Variants in CEP112 observed in about 807,000 individuals in gnomAD.
CEP112 encodes centrosomal protein 112.
In CEP112, 127 loss-of-function variants were observed where a neutral mutation model predicts 153.0. That is an observed-to-expected ratio of 0.83 (90% CI 0.72 to 0.96). CEP112 has a LOEUF of 0.96. CEP112 is among the 40% of genes least tolerant of loss of function. The probability of loss-of-function intolerance (pLI) is 0.00; values close to 1 mark genes in which losing one functional copy is unlikely to be tolerated. For synonymous variants in CEP112, 358 were observed against 374.4 expected (o/e 0.96, Z 0.51); for missense variants, 1,089 against 1,101.2 (o/e 0.99, Z 0.16).
chr17:66,051,589 G>C (rs528885278), intron 12 of CEP112, among the ~76,000 whole-genome samples: 3 of 152,076 alleles, frequency 2.0e-5, no homozygotes, highest in Admixed American at 2.0e-4. Flanking sequence ...AAACAACTGT[G>C]CATACCACTT....
chr17:65,982,158 C>T (rs1393279584), intron 17 of CEP112, among the ~76,000 whole-genome samples: 1 of 152,010 alleles, frequency 6.6e-6, no homozygotes, highest in Non-Finnish European at 1.5e-5. Context: ...ATAATCACAT[C>T]AGAGGAAATG....
chr17:65,699,774 C>T (rs909210418), intron 23 of CEP112, among the ~76,000 whole-genome samples: 2 of 152,084 alleles, frequency 1.3e-5, no homozygotes, highest in African/African-American at 2.4e-5. Flanking sequence ...ACTACAGAGG[C>T]GCACCACTGC....
chr17:66,028,348 G>A lies in CEP112; in HGVS notation c.1561C>T (p.Gln521Ter). 1 of 1,599,624 alleles carries A rather than the reference G, an allele frequency of 6.3e-7. No homozygotes were observed. The highest frequency in any genetic ancestry group is 8.5e-7 in the Non-Finnish European group (1 of 1,171,942). The change falls in exon 15 of 27, where the codon CAG becomes TAG. Residue 521 changes from glutamine (Q) to a stop codon, truncating the protein, a stop_gained. Transcript: ENST00000535342. LOFTEE classifies it high-confidence loss of function. Reference sequence around the variant, plus strand: ...TGCTTTCTTTGAAGTTCTGATTCCTGTAACTGCTGTTTTAATTGACAGACA... The same window carrying A: ...TGCTTTCTTTGAAGTTCTGATTCCTATAACTGCTGTTTTAATTGACAGACA... The part of the protein sequence containing the change: ...QNVCQLKQQL[Q>*]ESELQRKQQL...
At chr17:66,151,453 C>T (rs2071207210) in intron 4 of CEP112, among the ~76,000 whole-genome samples, 1 of 152,156 alleles carries the variant, frequency 6.6e-6, no homozygotes, top group South Asian at 2.1e-4. Context: ...TATGCATGCC[C>T]ATGTGGTATG....
chr17:65,999,686 C>T (rs371068068), intron 17 of CEP112, among the ~76,000 whole-genome samples: 54 of 151,968 alleles, frequency 3.6e-4, no homozygotes, highest in East Asian at 3.5e-3. Context: ...GCCTAGTACC[C>T]GTTAGTTATT....
At chr17:65,775,794 C>T (rs1043654093) in intron 21 of CEP112, among the ~76,000 whole-genome samples, 9 of 152,136 alleles carry the variant, frequency 5.9e-5, no homozygotes, top group Admixed American at 2.0e-4. Flanking sequence ...TGAGCCATTG[C>T]GCCCAGCAAA....
intron 21 of CEP112, among the ~76,000 whole-genome samples, chr17:65,824,202 C>A (rs1236339297): frequency 1.3e-5 from 2 of 152,144 alleles, no homozygotes; most frequent in South Asian, 4.1e-4. Context: ...TTTGTACTCC[C>A]ATACAATGGA....
intron 18 of CEP112, among the ~76,000 whole-genome samples, chr17:65,943,179 G>C (rs2061553708): frequency 6.6e-6 from 1 of 152,136 alleles, no homozygotes; most frequent in South Asian, 2.1e-4. Flanking sequence ...CCTGGCTAAA[G>C]AACAAATTGG....
chr17:65,824,218 A>G (rs139122563), intron 21 of CEP112, among the ~76,000 whole-genome samples: 1 of 152,344 alleles, frequency 6.6e-6, no homozygotes, highest in East Asian at 1.9e-4. Context: ...ATGGAATACT[A>G]CTAAGCAATA....
intron 20 of CEP112, among the ~76,000 whole-genome samples, chr17:65,900,782 A>G (rs1198649852): frequency 6.6e-6 from 1 of 152,194 alleles, no homozygotes; most frequent in Non-Finnish European, 1.5e-5. Flanking sequence ...ACACCAGCAT[A>G]TATTTCATAA....
At chr17:66,095,461 A>G (rs967619390) in intron 8 of CEP112, among the ~76,000 whole-genome samples, 1 of 152,154 alleles carries the variant, frequency 6.6e-6, no homozygotes, top group Non-Finnish European at 1.5e-5. Context: ...TGTGGATTCT[A>G]AAAAAGGTGA....
intron 24 of CEP112, among the ~76,000 whole-genome samples, chr17:65,666,810 G>A (rs1460125030): frequency 1.3e-5 from 2 of 151,954 alleles, no homozygotes; most frequent in Admixed American, 6.5e-5. Flanking sequence ...GCATTCATGA[G>A]GCAGTATTCT....
intron 11 of CEP112, among the ~76,000 whole-genome samples, chr17:66,059,844 C>T (rs1050963620): frequency 6.6e-6 from 1 of 152,094 alleles, no homozygotes; most frequent in African/African-American, 2.4e-5. Flanking sequence ...GGCACATGCG[C>T]TTGTATGTTC....
intron 6 of CEP112, among the ~76,000 whole-genome samples, chr17:66,121,896 CTT>C (rs1316972060): frequency 2.3e-4 from 35 of 151,240 alleles, no homozygotes; most frequent in South Asian, 6.3e-4. Context: ...GTTTTTTGCT[CTT>C]GTTTTTGTTT....
chr17:66,114,038 C>T (rs1001001401), intron 6 of CEP112, among the ~76,000 whole-genome samples: 3 of 151,968 alleles, frequency 2.0e-5, no homozygotes, highest in Non-Finnish European at 4.4e-5. Context: ...CAATAAATGT[C>T]CAAAATGGAA....
intron 20 of CEP112, among the ~76,000 whole-genome samples, chr17:65,887,851 T>A (rs1487963275): frequency 6.6e-6 from 1 of 152,204 alleles, no homozygotes; most frequent in Non-Finnish European, 1.5e-5. Context: ...GGGTTTACCT[T>A]CCTCATGGAG....
chr17:65,728,147 A>G (rs2050288397), intron 23 of CEP112, among the ~76,000 whole-genome samples: 1 of 152,230 alleles, frequency 6.6e-6, no homozygotes, highest in South Asian at 2.1e-4. Flanking sequence ...TGCAAAGCCT[A>G]ACATTTTTAC....
Position 65,852,012 on chromosome 17 carries a change from T to C in CEP112, c.2186A>G (p.Gln729Arg). 6.2e-7 allele frequency: 1 copy of C among 1,610,362 alleles called. No individual in the cohort carries two copies. Among genetic ancestry groups the C allele is most frequent in the Non-Finnish European group, 8.5e-7 (1 of 1,179,062 alleles). ...CAATTCTTCTCTCAACTTGTGAACC[T>C]GGGCCTCCATGTCGGCAATAACCTT... Reference protein sequence around the residue: ...DAQVIADMEAQVHKLREELIN... With the variant: ...DAQVIADMEARVHKLREELIN... Residue 729 changes from glutamine to arginine, a missense_variant, in exon 21 of 27, where the codon CAG (glutamine) becomes CGG (arginine). Gln to Arg is a conservative substitution (Grantham distance 43, BLOSUM62 1). Transcript: ENST00000535342.
chr17:66,054,626 G>A (rs1208470627), intron 11 of CEP112, among the ~76,000 whole-genome samples: 1 of 152,158 alleles, frequency 6.6e-6, no homozygotes, highest in Non-Finnish European at 1.5e-5. Context: ...AGCCCTGTGG[G>A]CATTCCTTCA....
Sources: gnomAD v4.1 joint callset for allele counts (sites outside exome capture counted in the v4.1 genomes callset) on GRCh38, gnomAD v4.1.1 for gene constraint, MANE v1.5 for transcripts, NCBI Gene and HGNC (gene_info 2026-07-23, HGNC 2026-07-21) for gene names.